COL12A1: variants seen among roughly 807,000 people sequenced by gnomAD.
COL12A1 encodes collagen alpha-1(XII) chain.
COL12A1 carries 114 observed loss-of-function variants against 349.7 expected under a neutral mutation model. The ratio of observed to expected loss-of-function variants is 0.33; its 90% CI spans 0.28 to 0.38. The LOEUF (loss-of-function observed/expected upper bound fraction) is 0.38, where lower values mean the gene tolerates loss of function less well. COL12A1 is among the 10% of genes least tolerant of loss of function. COL12A1 has a pLI of 1.00. For missense variants in COL12A1, 3,284 were observed against 3,756.9 expected (o/e 0.87, Z 3.29); for synonymous variants, 1,369 against 1,329.0 (o/e 1.03, Z -0.66).
chr6:75,109,455 A>C (rs534287859), intron 51 of COL12A1, among the ~76,000 whole-genome samples: 2 of 152,100 alleles, frequency 1.3e-5, no homozygotes, highest in Non-Finnish European at 2.9e-5. Context: ...ACCAGAGAGG[A>C]TATAGTAGAT....
At chr6:75,102,965 T>C (rs955058981) in intron 55 of COL12A1, among the ~76,000 whole-genome samples, 2 of 152,224 alleles carry the variant, frequency 1.3e-5, no homozygotes, top group Non-Finnish European at 2.9e-5. Context: ...AATATATTCA[T>C]ATATTAATTT....
chr6:75,130,173 A>G lies in COL12A1; in HGVS notation c.6128T>C (p.Val2043Ala), dbSNP rs1766232125. The stretch of plus-strand genomic sequence containing the variant: ...TGGCCCATCAGCATGATCCCAGGCT[A>G]CCGAGAGGCTATTGGTTGTTTCACC... ...VFGETTNSLS[V>A]AWDHADGPVQ... The change falls in exon 37 of 66, where the codon GTA (valine) becomes GCA (alanine). Residue 2043 changes from valine to alanine, a missense_variant. Physicochemically the swap from Val to Ala is moderately conservative, Grantham distance 64 (BLOSUM62 0). Transcript: ENST00000322507. The G allele has an allele frequency of 1.2e-6, 2 of 1,613,956 alleles. No homozygotes were observed. The highest frequency in any genetic ancestry group is 2.7e-5 in the African/African-American group (2 of 74,904).
Position 75,152,225 on chromosome 6 carries a change from G to A in COL12A1, c.3741C>T (p.Pro1247=), listed in dbSNP as rs371282637. The change falls in exon 19 of 66, where the codon CCC becomes CCT. Residue 1247 remains proline (P), a synonymous_variant. Coordinates refer to ENST00000322507, the MANE Select transcript of COL12A1 (RefSeq NM_004370.6). ...QIALAQYSGD[P]RTEWQLNAHR... is the part of the protein sequence containing the mutation. ...GTGCATTTAACTGCCACTCTGTTCTGGGATCCCCACTATACTGAGCAAGAG... is the reference window on the plus strand; with the variant it reads ...GTGCATTTAACTGCCACTCTGTTCTAGGATCCCCACTATACTGAGCAAGAG... 7.4e-5 allele frequency: 120 copies of A among 1,613,692 alleles called. No homozygotes were observed. Among genetic ancestry groups the A allele is most frequent in the Non-Finnish European group, 9.7e-5 (115 of 1,179,780 alleles).
At chr6:75,172,988 C>T (rs141940918) in intron 13 of COL12A1, among the ~76,000 whole-genome samples, 13 of 152,130 alleles carry the variant, frequency 8.5e-5, no homozygotes, top group African/African-American at 1.7e-4. Flanking sequence ...TATATGCAGG[C>T]GTCTTGGAAC....
chr6:75,138,947 G>T lies in COL12A1; in HGVS notation c.4972C>A (p.Pro1658Thr), dbSNP rs760864715. The T allele has an allele frequency of 1.9e-6, 3 of 1,613,816 alleles. No homozygotes were observed. Among genetic ancestry groups the T allele is most frequent in the Non-Finnish European group, 8.5e-7 (1 of 1,179,920 alleles). Residue 1658 changes from proline (P) to threonine (T), a missense_variant, in exon 28 of 66, where the codon CCA becomes ACA. By Grantham distance (38) the Pro-to-Thr change is conservative (BLOSUM62 -1). Transcript: ENST00000322507. ...AQETTRPVPAPTNLKITEVTS... is the reference protein window; with the variant it reads ...AQETTRPVPATTNLKITEVTS... ...ACTTCAGTAATCTTTAAGTTTGTTG[G>T]GGCTGGCACGGGTCCTATCATGAGA...
At position 75,183,593 on chromosome 6, in the gene COL12A1, TATAGGAGCCATCAACCAAAAACACA is replaced by T; in HGVS notation, c.1323_1347del (p.Val442AlafsTer18). 1 of 1,613,720 alleles carries T rather than the reference TATAGGAGCCATCAACCAAAAACACA, an allele frequency of 6.2e-7. No individual in the cohort carries two copies. Among genetic ancestry groups the T allele is most frequent in the Non-Finnish European group, 8.5e-7 (1 of 1,179,930 alleles). On this transcript the variant is annotated frameshift_variant, in exon 10 of 66. Coordinates refer to ENST00000322507, the MANE Select transcript of COL12A1 (RefSeq NM_004370.6). LOFTEE classifies it high-confidence loss of function. Reference sequence around the variant, plus strand: ...TTAACAAAGTTTGCAATCCCAATGCTATAGGAGCCATCAACCAAAAACACAATATCGGCTTTTATATCCACACCAC... The same window carrying T: ...TTAACAAAGTTTGCAATCCCAATGCTATATCGGCTTTTATATCCACACCAC...
intron 31 of COL12A1, among the ~76,000 whole-genome samples, chr6:75,137,236 C>T (rs978103535): frequency 2.0e-5 from 3 of 152,150 alleles, no homozygotes; most frequent in African/African-American, 7.2e-5. Flanking sequence ...CAACTATCAT[C>T]TCTCATGAGA....
In COL12A1 at chr6:75,167,264, T is replaced by C. The variant is rs76445499; in HGVS notation, c.2711-1485A>G. ...GTTTTTTATTTGTTTTGATAATCGA[T>C]ATCCCAACAACTAGTCTCTAAGTTT... On this transcript the variant is annotated intron_variant, in intron 13 of 65. Transcript: ENST00000322507. 3.5e-3 allele frequency among the ~76,000 whole-genome samples: 527 copies of C among 152,280 alleles called. 5 individuals are homozygous for C. Among genetic ancestry groups the C allele is most frequent in the East Asian group, 0.028 (146 of 5,184 alleles).
At chr6:75,145,262 T>A in intron 25 of COL12A1, 64 bp downstream of exon 25, 1 of 1,365,596 alleles carries the variant, frequency 7.3e-7, no homozygotes, top group Non-Finnish European at 9.7e-7. Context: ...TCACATGAAA[T>A]AAATTCTAAT....
Position 75,085,525 on chromosome 6 carries a change from G to A in COL12A1, c.*1022C>T. On this transcript the variant is annotated 3_prime_UTR_variant, in exon 66 of 66. Transcript: ENST00000322507. ...GTCCCAATTATTTCCAGATAATTTG[G>A]TGATAATCAAATAATGAAATGGCAC... 3.4e-6 allele frequency: 1 copy of A among 297,634 alleles called. No homozygotes were observed. The highest frequency in any genetic ancestry group is 7.0e-6 in the Non-Finnish European group (1 of 142,420). The allele number at this position is 297,634 out of a possible 1,614,324, so 18.4% of individuals were successfully genotyped here. A position where few individuals can be genotyped will look rare whatever the true frequency, so the allele number is the denominator to read the frequency against.
At position 75,165,788 on chromosome 6, in the gene COL12A1, G is replaced by T. The variant is rs2149439017; in HGVS notation, c.2711-9C>A. 1 of 1,608,128 alleles carries T rather than the reference G, an allele frequency of 6.2e-7. No individual in the cohort carries two copies. Among genetic ancestry groups the T allele is most frequent in the Non-Finnish European group, 8.5e-7 (1 of 1,177,304 alleles). On this transcript the variant is annotated splice_polypyrimidine_tract_variant and intron_variant, in intron 13 of 65. Coordinates refer to ENST00000322507, the MANE Select transcript of COL12A1 (RefSeq NM_004370.6). ...TTGAGGAGAACCACGTTCTAGAACAGAAATTAAAAGGGAATCTTTTTTAAA... is the reference window on the plus strand; with the variant it reads ...TTGAGGAGAACCACGTTCTAGAACATAAATTAAAAGGGAATCTTTTTTAAA...
Position 75,090,311 on chromosome 6 carries a change from A to G in COL12A1, c.8753-13T>C. 6.3e-7 allele frequency: 1 copy of G among 1,591,650 alleles called. No homozygotes were observed. The highest frequency in any genetic ancestry group is 8.6e-7 in the Non-Finnish European group (1 of 1,163,140). The stretch of plus-strand genomic sequence containing the variant: ...CTGTTCATCTGACCTACAAGCAGAA[A>G]TAAGGCTTGTTAGTAAGAAACCCAA... On this transcript the variant is annotated splice_polypyrimidine_tract_variant and intron_variant, in intron 62 of 65. Coordinates refer to ENST00000322507, the MANE Select transcript of COL12A1 (RefSeq NM_004370.6). The surrounding 1 kb of genome is among the most constrained non-coding windows in gnomAD (Gnocchi z 4.1).
chr6:75,123,281 T>G, intron 43 of COL12A1, 49 bp downstream of exon 43: 1 of 1,469,936 alleles, frequency 6.8e-7, no homozygotes, highest in Non-Finnish European at 9.5e-7. Flanking sequence ...AAATAAGAAG[T>G]CTGTAACTCC....
At chr6:75,159,155 G>A (rs1469142128) in intron 14 of COL12A1, among the ~76,000 whole-genome samples, 1 of 151,286 alleles carries the variant, frequency 6.6e-6, no homozygotes, top group Non-Finnish European at 1.5e-5. Flanking sequence ...TATGTATAGA[G>A]GACAAAGATA....
In COL12A1 at chr6:75,090,346, G is replaced by T. The variant is rs112910387; in HGVS notation, c.8753-48C>A. On this transcript the variant is annotated intron_variant, in intron 62 of 65. Transcript: ENST00000322507. The surrounding 1 kb of genome is among the most constrained non-coding windows in gnomAD (Gnocchi z 4.1). ...TTAGTAAGAAACCCAATAAAGGACGGATGAGAGAGTGAAACTGTTTTCTCT... is the reference window on the plus strand; with the variant it reads ...TTAGTAAGAAACCCAATAAAGGACGTATGAGAGAGTGAAACTGTTTTCTCT... 71 of 1,539,616 alleles carry T rather than the reference G, an allele frequency of 4.6e-5. No homozygotes were observed. In the African/African-American group the frequency reaches 6.8e-4, roughly 15 times the overall value.
rs1219827588 is a variant in COL12A1, at chr6:75,130,869, G to A, written c.6050C>T (p.Pro2017Leu). 1 of 1,614,074 alleles carries A rather than the reference G, an allele frequency of 6.2e-7. No homozygotes were observed. The highest frequency in any genetic ancestry group is 1.1e-5 in the South Asian group (1 of 91,082). ...LYSDGEGNPS[P>L]AQGRTLPRSG... ...TGCCTCACGCGTTCGGCCCTGGGCAGGGCTGGGATTTCCCTCTCCATCCGA... is the reference window on the plus strand; with the variant it reads ...TGCCTCACGCGTTCGGCCCTGGGCAAGGCTGGGATTTCCCTCTCCATCCGA... The change falls in exon 36 of 66, where the codon CCT becomes CTT. Residue 2017 changes from proline (P) to leucine (L), a missense_variant. Physicochemically the swap from Pro to Leu is moderately conservative, Grantham distance 98. Transcript: ENST00000322507.
chr6:75,133,645 C>T (rs1157293547), intron 33 of COL12A1, among the ~76,000 whole-genome samples: 1 of 152,108 alleles, frequency 6.6e-6, no homozygotes. Context: ...AGAACGGCCG[C>T]TTCTTCCCCT....
At chr6:75,203,338 A>C (rs1184565522) in intron 1 of COL12A1, among the ~76,000 whole-genome samples, 5 of 152,168 alleles carry the variant, frequency 3.3e-5, no homozygotes, top group Non-Finnish European at 2.9e-5. Context: ...GCAGCTCTTT[A>C]AGATCTGAAA....
At chr6:75,097,873 T>C (rs1421061527) in intron 58 of COL12A1, among the ~76,000 whole-genome samples, 1 of 152,140 alleles carries the variant, frequency 6.6e-6, no homozygotes, top group Non-Finnish European at 1.5e-5. Context: ...TTCATTCTCT[T>C]CCATCATATC....
Sources: allele counts gnomAD v4.1 joint callset (sites outside exome capture counted in the v4.1 genomes callset), GRCh38; gene constraint gnomAD v4.1.1; non-coding constraint Gnocchi (gnomAD v3.1); transcripts MANE v1.5; gene names NCBI Gene and HGNC (gene_info 2026-07-23, HGNC 2026-07-21).